The following CAP2 variants were observed in gnomAD, a reference collection of about 807,000 sequenced individuals.
CAP2 encodes cyclase associated actin cytoskeleton regulatory protein 2, also known as adenylyl cyclase-associated protein 2.
A neutral mutation model predicts 57.7 loss-of-function variants in CAP2; 24 were observed. That is an observed-to-expected ratio of 0.42 (90% CI 0.30 to 0.58). The LOEUF is 0.58. Among genes scored for constraint, CAP2 ranks in the 20% least tolerant of loss-of-function variants. The pLI is 0.22. For missense variants in CAP2, 501 were observed against 590.3 expected (o/e 0.85, Z 1.57); for synonymous variants, 194 against 207.2 (o/e 0.94, Z 0.55).
intron 7 of CAP2, among the ~76,000 whole-genome samples, chr6:17,537,799 C>T (rs142965832): frequency 2.6e-3 from 397 of 152,282 alleles, no homozygotes; most frequent in African/African-American, 8.8e-3. Flanking sequence ...GGCACAGTGG[C>T]TTACACCTGT....
At chr6:17,543,772 A>G (rs1336325167) in intron 11 of CAP2, among the ~76,000 whole-genome samples, 2 of 151,972 alleles carry the variant, frequency 1.3e-5, no homozygotes, top group South Asian at 2.1e-4. Context: ...TTTCTTTTCA[A>G]TCTCTTCTAA....
At chr6:17,411,448 C>T (rs1375697154) in intron 1 of CAP2, among the ~76,000 whole-genome samples, 1 of 152,194 alleles carries the variant, frequency 6.6e-6, no homozygotes, top group Non-Finnish European at 1.5e-5. Flanking sequence ...TTCTCACCAG[C>T]ACTTTTTATT....
chr6:17,404,196 G>T (rs1758888276), intron 1 of CAP2, among the ~76,000 whole-genome samples: 2 of 152,222 alleles, frequency 1.3e-5, no homozygotes, highest in Admixed American at 6.5e-5. Context: ...TCTTGGCCAG[G>T]CATGGTGGCT....
At chr6:17,427,698 A>G (rs565340651) in intron 3 of CAP2, among the ~76,000 whole-genome samples, 2 of 152,280 alleles carry the variant, frequency 1.3e-5, no homozygotes, top group South Asian at 4.1e-4. Flanking sequence ...TCCAAGAGAC[A>G]CCCATGTTCA....
chr6:17,511,712 C>G (rs1370639694), intron 6 of CAP2, among the ~76,000 whole-genome samples: 2 of 152,110 alleles, frequency 1.3e-5, no homozygotes, highest in Admixed American at 6.6e-5. Context: ...CCTTGGCCTC[C>G]GAAAGTACTG....
chr6:17,459,925 C>A (rs1561791451), intron 3 of CAP2, among the ~76,000 whole-genome samples: 1 of 151,910 alleles, frequency 6.6e-6, no homozygotes, highest in Non-Finnish European at 1.5e-5. Flanking sequence ...GAGACTCTAA[C>A]AAAAGGAACA....
At chr6:17,535,797 G>A (rs78872613) in intron 7 of CAP2, among the ~76,000 whole-genome samples, 2,789 of 152,194 alleles carry the variant, frequency 0.018, 84 homozygotes, top group East Asian at 0.12. Context: ...TCAACACATA[G>A]GAAAGAATGT....
chr6:17,474,256 G>GT (rs1305461613), intron 4 of CAP2, among the ~76,000 whole-genome samples: 2 of 118,742 alleles, frequency 1.7e-5, no homozygotes, highest in Non-Finnish European at 3.2e-5. Flanking sequence ...TCATGCTTAA[G>GT]TTTATAGTGG....
At chr6:17,452,609 A>T (rs112314310) in intron 3 of CAP2, among the ~76,000 whole-genome samples, 302 of 152,338 alleles carry the variant, frequency 2.0e-3, no homozygotes, top group African/African-American at 6.4e-3. Context: ...AACCATCCCC[A>T]AATAAATATG....
chr6:17,546,266 T>C (rs1763044610), intron 11 of CAP2, among the ~76,000 whole-genome samples: 1 of 152,182 alleles, frequency 6.6e-6, no homozygotes, highest in Admixed American at 6.6e-5. Flanking sequence ...CTCACTGTGG[T>C]TTTGATTTGC....
intron 1 of CAP2, among the ~76,000 whole-genome samples, chr6:17,412,297 T>G (rs1462943705): frequency 6.6e-6 from 1 of 152,282 alleles, no homozygotes; most frequent in South Asian, 2.1e-4. Flanking sequence ...CTGTGTCTCA[T>G]CCACCTGTGT....
In CAP2 at chr6:17,557,176, T is replaced by C. The variant is rs1321598524; in HGVS notation, c.*734T>C. 6.6e-6 allele frequency: 1 copy of C among 152,220 alleles called. No individual in the cohort carries two copies. Among genetic ancestry groups the C allele is most frequent in the Non-Finnish European group, 1.5e-5 (1 of 68,044 alleles). The allele number at this position is 152,220 out of a possible 1,614,324, so 9.4% of individuals were successfully genotyped here. A position where few individuals can be genotyped will look rare whatever the true frequency, so the allele number is the denominator to read the frequency against. The stretch of plus-strand genomic sequence containing the variant: ...AACATTAAACAGAAGAAATCATTTT[T>C]TTTGCTATGTAATACCTCGCAACTT... On this transcript the variant is annotated 3_prime_UTR_variant, in exon 13 of 13. Coordinates refer to ENST00000229922, the MANE Select transcript of CAP2 (RefSeq NM_006366.3).
At chr6:17,548,976 AAATT>A (rs1581615355) in intron 11 of CAP2, among the ~76,000 whole-genome samples, 1 of 152,240 alleles carries the variant, frequency 6.6e-6, no homozygotes, top group East Asian at 1.9e-4. Context: ...AGTAGGAAAT[AAATT>A]AATTAGGGTC....
chr6:17,491,566 G>A (rs1761542333), intron 4 of CAP2, among the ~76,000 whole-genome samples: 2 of 152,184 alleles, frequency 1.3e-5, no homozygotes, highest in African/African-American at 4.8e-5. Flanking sequence ...GATGACATAG[G>A]AAGAATACTG....
chr6:17,467,169 C>G (rs575604188), intron 4 of CAP2, among the ~76,000 whole-genome samples: 1 of 152,240 alleles, frequency 6.6e-6, no homozygotes, highest in East Asian at 1.9e-4. Flanking sequence ...TTGTGGCTCA[C>G]GTCAGCCTTG....
chr6:17,461,091 G>A (rs927510725), intron 3 of CAP2, among the ~76,000 whole-genome samples: 45 of 152,112 alleles, frequency 3.0e-4, no homozygotes, highest in African/African-American at 8.9e-4. Flanking sequence ...GGAGGCTTCC[G>A]TGAACCAAGA....
chr6:17,510,805 A>T (rs1438248093), intron 6 of CAP2, among the ~76,000 whole-genome samples: 2 of 152,222 alleles, frequency 1.3e-5, no homozygotes, highest in Non-Finnish European at 2.9e-5. Context: ...AGTTCAGGAC[A>T]GCTCAAGCAC....
chr6:17,510,114 GTTTTT>G (rs910140290), intron 6 of CAP2, among the ~76,000 whole-genome samples: 23 of 151,612 alleles, frequency 1.5e-4, no homozygotes, highest in African/African-American at 5.6e-4. Context: ...TAAAATTTAA[GTTTTT>G]TTTTAAGTTT....
intron 11 of CAP2, among the ~76,000 whole-genome samples, chr6:17,547,630 C>G (rs142085785): frequency 6.6e-6 from 1 of 151,622 alleles, no homozygotes; most frequent in African/African-American, 2.4e-5. Context: ...TCACGAGGTC[C>G]GGAGATTGAG....
Sources: allele counts gnomAD v4.1 joint callset (sites outside exome capture counted in the v4.1 genomes callset), GRCh38; gene constraint gnomAD v4.1.1; transcripts MANE v1.5; gene names NCBI Gene and HGNC (gene_info 2026-07-23, HGNC 2026-07-21).